NEURL1: variants seen among roughly 807,000 people sequenced by gnomAD.
NEURL1 encodes the protein neuralized E3 ubiquitin protein ligase 1.
A neutral mutation model predicts 41.2 loss-of-function variants in NEURL1; 26 were observed. The observed-to-expected ratio is 0.63, with a 90% CI of 0.46 to 0.87. The LOEUF is 0.87. Ranked by LOEUF, NEURL1 falls within the 40% of genes least tolerant of loss-of-function variation. The pLI is 0.00. For missense variants in NEURL1, 761 were observed against 871.1 expected, an observed-to-expected ratio of 0.87 and a Z score of 1.59; for synonymous variants, 400 against 402.3, an observed-to-expected ratio of 0.99 and a Z score of 0.07.
chr10:103,571,179 C>T, intron 2 of NEURL1, 66 bp downstream of exon 2: 2 of 1,522,072 alleles, frequency 1.3e-6, no homozygotes, highest in Non-Finnish European at 1.8e-6. Flanking sequence ...ATCCCCTGGG[C>T]CTCTGGACTC....
intron 4 of NEURL1, among the ~76,000 whole-genome samples, chr10:103,589,263 A>G (rs2035986889): frequency 6.6e-6 from 1 of 152,206 alleles, no homozygotes; most frequent in Non-Finnish European, 1.5e-5. Context: ...AAAGCAGGAT[A>G]TGACCCTCCA....
At chr10:103,525,932 C>A (rs1273891546) in intron 1 of NEURL1, among the ~76,000 whole-genome samples, 1 of 152,132 alleles carries the variant, frequency 6.6e-6, no homozygotes, top group African/African-American at 2.4e-5. Context: ...CTATACCTAA[C>A]TTGTTGAGAG....
Position 103,571,528 on chromosome 10 carries a change from G to C in NEURL1, c.355G>C (p.Gly119Arg). ...KITKKQCCWS[G>R]ALRLGFTSKD... ...CACCAAGAAGCAGTGCTGCTGGAGCGGGGCCCTGCGGCTGGGCTTCACCAG... is the reference window on the plus strand; with the variant it reads ...CACCAAGAAGCAGTGCTGCTGGAGCCGGGCCCTGCGGCTGGGCTTCACCAG... The change falls in exon 3 of 6, where the codon GGG (glycine) becomes CGG (arginine). Residue 119 changes from glycine to arginine, a missense_variant. Physicochemically the swap from Gly to Arg is moderately radical, Grantham distance 125. This residue lies in a region of NEURL1 where 65 missense variants were observed against 131.6 expected (regional missense o/e 0.49). Transcript: ENST00000369780. 2 of 1,608,470 alleles carry C rather than the reference G, an allele frequency of 1.2e-6. No homozygotes were observed. The highest frequency in any genetic ancestry group is 1.7e-6 in the Non-Finnish European group (2 of 1,179,776).
chr10:103,499,118 G>C (rs2033760842), intron 1 of NEURL1, among the ~76,000 whole-genome samples: 2 of 152,214 alleles, frequency 1.3e-5, no homozygotes, highest in African/African-American at 4.8e-5. Context: ...AAAGTCACTG[G>C]TTGTGACAGT....
Position 103,505,377 on chromosome 10 carries a change from C to A in NEURL1, c.85+10905C>A, listed in dbSNP as rs557660950. On this transcript the variant is annotated intron_variant, in intron 1 of 5. Coordinates refer to ENST00000369780, the MANE Select transcript of NEURL1 (RefSeq NM_004210.5). Reference sequence around the variant, plus strand: ...TAGCTGGGATTACAGGCACCTACCACCACACCTGGCTAATTTTTGTATTTT... The same window carrying A: ...TAGCTGGGATTACAGGCACCTACCAACACACCTGGCTAATTTTTGTATTTT... 2.6e-5 allele frequency among the ~76,000 whole-genome samples: 4 copies of A among 152,266 alleles called. No homozygotes were observed. In the East Asian group the frequency reaches 7.7e-4, roughly 29 times the overall value.
At chr10:103,544,625 AC>A (rs1187604948) in intron 1 of NEURL1, among the ~76,000 whole-genome samples, 5 of 152,050 alleles carry the variant, frequency 3.3e-5, no homozygotes, top group African/African-American at 7.2e-5. Context: ...GTAAAAAAGG[AC>A]CCCCAAACAA....
At chr10:103,511,831 C>G (rs2133849892) in intron 1 of NEURL1, 1 of 152,410 alleles carries the variant, frequency 6.6e-6, no homozygotes, top group East Asian at 1.9e-4. Context: ...GTATCACCAC[C>G]ACCAGTGCCT....
chr10:103,559,940 G>GCA (rs753185144), intron 1 of NEURL1, among the ~76,000 whole-genome samples: 9 of 151,200 alleles, frequency 6.0e-5, no homozygotes, highest in Non-Finnish European at 1.3e-4. Context: ...TTACACACAT[G>GCA]CACACACACG....
At chr10:103,559,931 TACAC>T (rs767929678) in intron 1 of NEURL1, among the ~76,000 whole-genome samples, 2 of 150,806 alleles carry the variant, frequency 1.3e-5, no homozygotes, top group South Asian at 4.2e-4. Flanking sequence ...ACACACATAT[TACAC>T]ACATGCACAC....
chr10:103,584,021 T>C (rs1314638956), intron 3 of NEURL1, among the ~76,000 whole-genome samples: 1 of 152,010 alleles, frequency 6.6e-6, no homozygotes, highest in Non-Finnish European at 1.5e-5. Flanking sequence ...CAAAAGGTGA[T>C]TGTTAAGGTT....
Position 103,535,977 on chromosome 10 carries a change from A to G in NEURL1, c.86-34895A>G, listed in dbSNP as rs531530568. The stretch of plus-strand genomic sequence containing the variant: ...GGCACAGCATTGGCTTCTTCTTTGG[A>G]GGAGCACTGCTGTGTGGACTCCAGG... On this transcript the variant is annotated intron_variant, in intron 1 of 5. Transcript: ENST00000369780. Among the ~76,000 whole-genome samples the G allele has an allele frequency of 1.2e-4, 19 of 152,288 alleles. No homozygotes were observed. The South Asian group carries it at 2.1e-3, about 17-fold the overall frequency.
At chr10:103,506,713 C>A (rs1356233086) in intron 1 of NEURL1, among the ~76,000 whole-genome samples, 1 of 152,172 alleles carries the variant, frequency 6.6e-6, no homozygotes, top group South Asian at 2.1e-4. Flanking sequence ...GTGTGCACCA[C>A]CACGCCCAGC....
At chr10:103,554,284 C>T (rs2035096149) in intron 1 of NEURL1, among the ~76,000 whole-genome samples, 1 of 152,204 alleles carries the variant, frequency 6.6e-6, no homozygotes, top group South Asian at 2.1e-4. Context: ...TCTGTGGAAG[C>T]AGGCGTATGT....
At chr10:103,534,654 AG>A (rs955423908) in intron 1 of NEURL1, among the ~76,000 whole-genome samples, 3 of 152,304 alleles carry the variant, frequency 2.0e-5, no homozygotes, top group South Asian at 2.1e-4. Context: ...TTAACCCACA[AG>A]GGGAAGACTT....
intron 1 of NEURL1, among the ~76,000 whole-genome samples, chr10:103,518,233 T>TA (rs34821304): frequency 0.14 from 21,148 of 151,298 alleles, 1,856 homozygotes; most frequent in South Asian, 0.26. Flanking sequence ...TACCATGATT[T>TA]AAAAAAAAAG....
intron 1 of NEURL1, among the ~76,000 whole-genome samples, chr10:103,522,465 A>G (rs1234341739): frequency 2.6e-5 from 4 of 151,246 alleles, no homozygotes; most frequent in African/African-American, 7.3e-5. Context: ...AAAAAAAAAA[A>G]TTAGCCGGGT....
At chr10:103,523,379 C>T (rs2034395692) in intron 1 of NEURL1, among the ~76,000 whole-genome samples, 1 of 151,782 alleles carries the variant, frequency 6.6e-6, no homozygotes, top group Admixed American at 6.6e-5. Flanking sequence ...TCACTTGAGT[C>T]CAAGAGTTTA....
intron 1 of NEURL1, among the ~76,000 whole-genome samples, chr10:103,500,394 A>C (rs1939282354): frequency 6.6e-6 from 1 of 152,238 alleles, no homozygotes; most frequent in Non-Finnish European, 1.5e-5. Context: ...CAGTCCACAC[A>C]GTTAGAAACT....
intron 1 of NEURL1, among the ~76,000 whole-genome samples, chr10:103,553,203 C>T (rs1347685254): frequency 6.6e-6 from 1 of 152,218 alleles, no homozygotes; most frequent in Non-Finnish European, 1.5e-5. Flanking sequence ...TACACATACA[C>T]TGATCTCTTA....
Sources: gnomAD v4.1 joint callset for allele counts (sites outside exome capture counted in the v4.1 genomes callset) on GRCh38, gnomAD v4.1.1 for gene constraint, gnomAD v4.1.1 regional missense constraint, MANE v1.5 for transcripts, NCBI Gene and HGNC (gene_info 2026-07-23, HGNC 2026-07-21) for gene names.